CSMD1: variants seen among roughly 807,000 people sequenced by gnomAD.
CSMD1 encodes CUB and sushi domain-containing protein 1.
Under a neutral mutation model 417.5 loss-of-function variants are expected in CSMD1, and 213 were observed. That is an observed-to-expected ratio of 0.51 (90% CI 0.46 to 0.57). CSMD1 has a LOEUF of 0.57. Ranked by LOEUF, CSMD1 falls within the 20% of genes least tolerant of loss-of-function variation. The probability of loss-of-function intolerance (pLI) is 0.00; values close to 1 mark genes in which losing one functional copy is unlikely to be tolerated. For missense variants in CSMD1, 6,923 were observed against 4,529.7 expected, an observed-to-expected ratio of 1.53 and a Z score of -15.17; for synonymous variants, 2,862 against 1,736.8, an observed-to-expected ratio of 1.65 and a Z score of -16.11.
chr8:3,278,466 A>G (rs376805735), intron 26 of CSMD1: 8 of 152,224 alleles, frequency 5.3e-5, no homozygotes, highest in African/African-American at 1.9e-4. Flanking sequence ...ATTTAATACA[A>G]TTGAATAAAT....
intron 1 of CSMD1, among the ~76,000 whole-genome samples, chr8:4,717,326 T>TATATATATAC (rs1392557124): frequency 1.4e-5 from 2 of 146,694 alleles, no homozygotes; most frequent in African/African-American, 5.2e-5. Flanking sequence ...TATATATATA[T>TATATATATAC]ACACACACAC....
chr8:3,534,686 A>C (rs1320886880), intron 10 of CSMD1, among the ~76,000 whole-genome samples: 1 of 152,222 alleles, frequency 6.6e-6, no homozygotes, highest in Non-Finnish European at 1.5e-5. Context: ...CATTGTGTAC[A>C]TCCTTTTTCA....
chr8:3,414,683 C>T (rs909030825), intron 12 of CSMD1, among the ~76,000 whole-genome samples: 1 of 152,152 alleles, frequency 6.6e-6, no homozygotes, highest in Non-Finnish European at 1.5e-5. Context: ...ATGTGAACAT[C>T]GCTGTTTTCT....
At chr8:3,398,391 G>A (rs1262599708) in intron 16 of CSMD1, among the ~76,000 whole-genome samples, 1 of 151,970 alleles carries the variant, frequency 6.6e-6, no homozygotes, top group Non-Finnish European at 1.5e-5. Context: ...TGCTATTGGG[G>A]ATTATTATTA....
intron 1 of CSMD1, among the ~76,000 whole-genome samples, chr8:4,908,529 TTCTG>T (rs1805451990): frequency 1.4e-5 from 2 of 140,062 alleles, no homozygotes; most frequent in South Asian, 4.7e-4. Context: ...GGATGTTCTC[TTCTG>T]TTTTTTTTCT....
intron 5 of CSMD1, among the ~76,000 whole-genome samples, chr8:3,794,769 CA>C (rs955812650): frequency 7.2e-5 from 11 of 152,052 alleles, no homozygotes; most frequent in African/African-American, 2.7e-4. Flanking sequence ...TACTCTGAAA[CA>C]AAATAACACA....
chr8:4,943,528 TAAAATA>T lies in CSMD1; in HGVS notation c.85+50798_85+50803del, dbSNP rs1563829704. On this transcript the variant is annotated intron_variant, in intron 1 of 69. Transcript: ENST00000635120. Reference sequence around the variant, plus strand: ...TAAAATGAAATAAAATAAAATAAAATAAAATAAAATAAAATCATCACCTCTCTGTAA... The same window carrying T: ...TAAAATGAAATAAAATAAAATAAAATAAATAAAATCATCACCTCTCTGTAA... 4.7e-4 allele frequency among the ~76,000 whole-genome samples: 47 copies of T among 101,074 alleles called. 1 individual carries two copies. The East Asian group carries it at 8.1e-3, about 17-fold the overall frequency. The allele number at this position is 101,074 out of a possible 152,430, so 66.3% of individuals were successfully genotyped here.
intron 23 of CSMD1, among the ~76,000 whole-genome samples, chr8:3,331,128 T>C (rs568595411): frequency 4.2e-4 from 64 of 151,804 alleles, no homozygotes; most frequent in Non-Finnish European, 8.2e-4. Context: ...GTCCCAGCTA[T>C]TCAGGAGGCT....
chr8:4,293,434 A>T (rs1052066622), intron 3 of CSMD1, among the ~76,000 whole-genome samples: 2 of 152,198 alleles, frequency 1.3e-5, no homozygotes, highest in Non-Finnish European at 2.9e-5. Context: ...AAAGTGTTTT[A>T]AAAAAATTAA....
intron 6 of CSMD1, among the ~76,000 whole-genome samples, chr8:3,752,290 G>T (rs1352320602): frequency 1.3e-5 from 2 of 152,168 alleles, no homozygotes; most frequent in African/African-American, 4.8e-5. Flanking sequence ...AACCAAAGAA[G>T]ATCAAGCTAA....
chr8:4,766,354 G>A (rs1170988771), intron 1 of CSMD1, among the ~76,000 whole-genome samples: 1 of 152,138 alleles, frequency 6.6e-6, no homozygotes, highest in Non-Finnish European at 1.5e-5. Context: ...AGGTTGTTAG[G>A]ACACAAGAAG....
At chr8:3,339,540 G>A (rs377355540) in intron 23 of CSMD1, among the ~76,000 whole-genome samples, 7 of 152,154 alleles carry the variant, frequency 4.6e-5, no homozygotes, top group Admixed American at 1.3e-4. Context: ...CAGAATGCCA[G>A]TTCCGTAATT....
rs376059312 is a variant in CSMD1, at chr8:4,683,157, A to T, written c.86-45599T>A. 8.0e-4 allele frequency among the ~76,000 whole-genome samples: 122 copies of T among 151,892 alleles called. 2 individuals carry two copies. The South Asian group carries it at 0.015, about 18-fold the overall frequency. Reference sequence around the variant, plus strand: ...TTAGTATGGTCAGTTCTGATCTGTTAATGTTTTTACAAATTTTACTTATTC... The same window carrying T: ...TTAGTATGGTCAGTTCTGATCTGTTTATGTTTTTACAAATTTTACTTATTC... On this transcript the variant is annotated intron_variant, in intron 1 of 69. Coordinates refer to ENST00000635120, the MANE Select transcript of CSMD1 (RefSeq NM_033225.6).
At chr8:4,479,666 T>G (rs1023284524) in intron 2 of CSMD1, among the ~76,000 whole-genome samples, 2 of 152,000 alleles carry the variant, frequency 1.3e-5, no homozygotes, top group Non-Finnish European at 2.9e-5. Flanking sequence ...GAGATCCAGG[T>G]GGGTAGACCA....
intron 1 of CSMD1, among the ~76,000 whole-genome samples, chr8:4,916,125 A>T (rs1806052730): frequency 6.6e-6 from 1 of 152,228 alleles, no homozygotes; most frequent in Non-Finnish European, 1.5e-5. Context: ...GAGTCTGATG[A>T]AGTCAGGAAG....
chr8:3,803,375 T>C (rs968217117), intron 5 of CSMD1, among the ~76,000 whole-genome samples: 33 of 152,258 alleles, frequency 2.2e-4, no homozygotes, highest in Middle Eastern at 6.8e-3. Context: ...GGTAAGCTGA[T>C]CACTGAACCC....
chr8:3,908,776 TA>T (rs899243413), intron 5 of CSMD1, among the ~76,000 whole-genome samples: 98 of 152,300 alleles, frequency 6.4e-4, no homozygotes, highest in African/African-American at 2.2e-3. Flanking sequence ...TTACAGGCAT[TA>T]GGGGCAATTC....
At chr8:3,561,041 A>G (rs1461515359) in intron 10 of CSMD1, among the ~76,000 whole-genome samples, 1 of 152,168 alleles carries the variant, frequency 6.6e-6, no homozygotes, top group African/African-American at 2.4e-5. Context: ...CACATGAAAA[A>G]ATGCCCAGCA....
At chr8:3,907,100 C>T (rs1004776415) in intron 5 of CSMD1, among the ~76,000 whole-genome samples, 3 of 152,176 alleles carry the variant, frequency 2.0e-5, no homozygotes, top group Non-Finnish European at 4.4e-5. Flanking sequence ...CTCAAAATCC[C>T]TTCTTCTTCG....
Sources: gnomAD v4.1 joint callset for allele counts (sites outside exome capture counted in the v4.1 genomes callset) on GRCh38, gnomAD v4.1.1 for gene constraint, MANE v1.5 for transcripts, NCBI Gene and HGNC (gene_info 2026-07-23, HGNC 2026-07-21) for gene names.